Variants in EPHA6 observed in about 807,000 individuals in gnomAD.
EPHA6 encodes ephrin type-A receptor 6.
A neutral mutation model predicts 112.0 loss-of-function variants in EPHA6; 50 were observed. That is an observed-to-expected ratio of 0.45 (90% CI 0.36 to 0.56). EPHA6 has a LOEUF of 0.56. Among genes scored for constraint, EPHA6 ranks in the 20% least tolerant of loss-of-function variants. The pLI, the probability that EPHA6 is intolerant of heterozygous loss-of-function variation, is 0.00. For missense variants in EPHA6, 1,280 were observed against 1,417.4 expected, an observed-to-expected ratio of 0.90 and a Z score of 1.56; for synonymous variants, 529 against 490.7, an observed-to-expected ratio of 1.08 and a Z score of -1.03.
At chr3:97,532,293 G>A in intron 10 of EPHA6, 65 bp from the exon 11 acceptor site, 1 of 1,415,394 alleles carries the variant, frequency 7.1e-7, no homozygotes, top group Non-Finnish European at 9.6e-7. Flanking sequence ...CTGTATGACA[G>A]TTTGACTCTT....
intron 13 of EPHA6, among the ~76,000 whole-genome samples, chr3:97,618,330 G>A (rs1018198580): frequency 7.2e-5 from 11 of 152,046 alleles, no homozygotes; most frequent in African/African-American, 2.7e-4. Flanking sequence ...AATCTGGAAG[G>A]AACTCAAGTC....
intron 5 of EPHA6, among the ~76,000 whole-genome samples, chr3:97,261,889 A>C (rs749386464): frequency 9.8e-5 from 15 of 152,300 alleles, no homozygotes; most frequent in Admixed American, 2.6e-4. Context: ...TTATATAGTT[A>C]ATACATGGAC....
chr3:97,288,766 A>G (rs1310854297), intron 5 of EPHA6, among the ~76,000 whole-genome samples: 1 of 150,724 alleles, frequency 6.6e-6, no homozygotes, highest in African/African-American at 2.4e-5. Flanking sequence ...TATAATGGCC[A>G]TTCTGACTGG....
intron 3 of EPHA6, among the ~76,000 whole-genome samples, chr3:97,177,251 AT>A (rs772563934): frequency 2.6e-5 from 4 of 151,922 alleles, no homozygotes; most frequent in Non-Finnish European, 4.4e-5. Flanking sequence ...GCTTGATATG[AT>A]TTCAGTTTTT....
At chr3:97,339,971 G>A (rs2083228961) in intron 5 of EPHA6, among the ~76,000 whole-genome samples, 1 of 152,226 alleles carries the variant, frequency 6.6e-6, no homozygotes, top group Admixed American at 6.5e-5. Context: ...AAAGTCACAA[G>A]CTGGGCCAGA....
rs1358045584 is a variant in EPHA6 at position 97,656,174 on chromosome 3, T to A, written c.2784+18092T>A. ...AGCCTTCTGTTTGGTATATTAAAAT[T>A]TCTTCTCTCTGGTATTAGTTGCTAA... On this transcript the variant is annotated intron_variant, in intron 14 of 17. Coordinates refer to ENST00000389672, the MANE Select transcript of EPHA6 (RefSeq NM_001080448.3). Among the ~76,000 whole-genome samples the A allele has an allele frequency of 2.0e-5, 3 of 152,016 alleles. No individual in the cohort carries two copies. In the East Asian group the frequency reaches 5.8e-4, roughly 29 times the overall value.
At chr3:97,459,864 T>G (rs966854075) in intron 7 of EPHA6, among the ~76,000 whole-genome samples, 3 of 152,214 alleles carry the variant, frequency 2.0e-5, no homozygotes, top group East Asian at 1.9e-4. Context: ...TGCCAGCATT[T>G]AAGCCTGCAT....
chr3:96,977,595 A>G (rs2107803955), intron 2 of EPHA6, among the ~76,000 whole-genome samples: 1 of 152,176 alleles, frequency 6.6e-6, no homozygotes. Context: ...TTGCCTTGGG[A>G]CCCCTACTTT....
chr3:97,076,977 G>A (rs2046547696), intron 3 of EPHA6, among the ~76,000 whole-genome samples: 1 of 152,068 alleles, frequency 6.6e-6, no homozygotes, highest in Non-Finnish European at 1.5e-5. Flanking sequence ...AGTCACCCAA[G>A]AGTTCTGATG....
intron 7 of EPHA6, among the ~76,000 whole-genome samples, chr3:97,458,820 A>G (rs1380034851): frequency 6.6e-6 from 1 of 152,092 alleles, no homozygotes; most frequent in African/African-American, 2.4e-5. Context: ...TTGTTCATTC[A>G]CCCATTTACT....
intron 14 of EPHA6, among the ~76,000 whole-genome samples, chr3:97,705,772 T>G (rs1172597034): frequency 6.6e-6 from 1 of 152,202 alleles, no homozygotes; most frequent in African/African-American, 2.4e-5. Context: ...TTAAAAGACC[T>G]CACTCCACAA....
chr3:96,824,637 A>G (rs1360219122), intron 1 of EPHA6, among the ~76,000 whole-genome samples: 1 of 152,054 alleles, frequency 6.6e-6, no homozygotes, highest in African/African-American at 2.4e-5. Flanking sequence ...CTTACAGTTT[A>G]GCTAATGACA....
intron 13 of EPHA6, among the ~76,000 whole-genome samples, chr3:97,614,117 G>C (rs757793138): frequency 6.6e-6 from 1 of 151,470 alleles, no homozygotes; most frequent in African/African-American, 2.4e-5. Flanking sequence ...TTTGTTTTTT[G>C]TTTTTATTAT....
intron 5 of EPHA6, among the ~76,000 whole-genome samples, chr3:97,268,662 T>C (rs2079778087): frequency 6.6e-6 from 1 of 152,228 alleles, no homozygotes; most frequent in Non-Finnish European, 1.5e-5. Flanking sequence ...GAACAAAGAA[T>C]ATATTTTCTA....
intron 14 of EPHA6, among the ~76,000 whole-genome samples, chr3:97,666,041 T>G (rs1262991096): frequency 6.7e-6 from 1 of 148,468 alleles, no homozygotes; most frequent in Non-Finnish European, 1.5e-5. Context: ...GGGGAGACAG[T>G]GTGAGACTCC....
chr3:97,560,563 A>T (rs2093175419), intron 11 of EPHA6: 1 of 152,062 alleles, frequency 6.6e-6, no homozygotes, highest in Non-Finnish European at 1.5e-5. Flanking sequence ...CATTGCTGAA[A>T]ATTGGAGTGA....
chr3:97,555,262 A>G (rs1442414290), intron 11 of EPHA6, among the ~76,000 whole-genome samples: 1 of 152,096 alleles, frequency 6.6e-6, no homozygotes, highest in African/African-American at 2.4e-5. Flanking sequence ...ACATGAACTC[A>G]TCATTTTTAT....
At position 97,617,771 on chromosome 3, in the gene EPHA6, A is replaced by G. The variant is rs867578279; in HGVS notation, c.2574+6917A>G. Among the ~76,000 whole-genome samples, 3 of 152,236 alleles carry G rather than the reference A, an allele frequency of 2.0e-5. No individual in the cohort carries two copies. The South Asian group carries it at 6.2e-4, about 31-fold the overall frequency. ...TATGCACCAACACAGGAGCGCTCAG[A>G]TTCATAAAGCAAGTTATCAGAGACC... On this transcript the variant is annotated intron_variant, in intron 13 of 17. Coordinates refer to ENST00000389672, the MANE Select transcript of EPHA6 (RefSeq NM_001080448.3).
chr3:96,849,798 G>A (rs1241423394), intron 1 of EPHA6, among the ~76,000 whole-genome samples: 4 of 152,068 alleles, frequency 2.6e-5, no homozygotes, highest in Admixed American at 1.3e-4. Flanking sequence ...TTCTCAACTG[G>A]TAAGGTGGGA....
Sources: gnomAD v4.1 joint callset for allele counts (sites outside exome capture counted in the v4.1 genomes callset) on GRCh38, gnomAD v4.1.1 for gene constraint, MANE v1.5 for transcripts, NCBI Gene and HGNC (gene_info 2026-07-23, HGNC 2026-07-21) for gene names.